ARPP21: variants seen among roughly 807,000 people sequenced by gnomAD.
ARPP21 encodes cAMP regulated phosphoprotein 21, also known as cAMP-regulated phosphoprotein 21.
Under a neutral mutation model 113.2 loss-of-function variants are expected in ARPP21, and 69 were observed. The ratio of observed to expected loss-of-function variants is 0.61; its 90% CI spans 0.50 to 0.74. The LOEUF (loss-of-function observed/expected upper bound fraction) is 0.74, where lower values mean the gene tolerates loss of function less well. Ranked by LOEUF, ARPP21 falls within the 30% of genes least tolerant of loss-of-function variation. The probability of loss-of-function intolerance (pLI) is 0.00; values close to 1 mark genes in which losing one functional copy is unlikely to be tolerated. For synonymous variants in ARPP21, 368 were observed against 375.5 expected, an observed-to-expected ratio of 0.98 and a Z score of 0.23; for missense variants, 1,070 against 1,037.4, an observed-to-expected ratio of 1.03 and a Z score of -0.43.
chr3:35,756,677 C>A (rs1296869065), intron 19 of ARPP21, among the ~76,000 whole-genome samples: 3 of 152,096 alleles, frequency 2.0e-5, no homozygotes, highest in African/African-American at 2.4e-5. Context: ...GTAATTCTCC[C>A]AGATGCTCTT....
chr3:35,747,858 G>A (rs931280648), intron 19 of ARPP21, among the ~76,000 whole-genome samples: 5 of 151,468 alleles, frequency 3.3e-5, no homozygotes, highest in African/African-American at 9.7e-5. Flanking sequence ...ACTGCAGTGA[G>A]CCATGATCAT....
intron 19 of ARPP21, chr3:35,774,679 G>C (rs577494972): frequency 3.3e-5 from 5 of 152,290 alleles, no homozygotes; most frequent in African/African-American, 1.2e-4. Flanking sequence ...GAAGAAACCA[G>C]AGAAATTTTA....
At chr3:35,767,217 G>A (rs1296073752) in intron 19 of ARPP21, among the ~76,000 whole-genome samples, 1 of 151,934 alleles carries the variant, frequency 6.6e-6, no homozygotes, top group African/African-American at 2.4e-5. Flanking sequence ...GTGATCTCTG[G>A]GACTTACTTT....
At chr3:35,725,858 AT>A (rs144390808) in intron 14 of ARPP21, among the ~76,000 whole-genome samples, 15,043 of 152,170 alleles carry the variant, frequency 0.099, 991 homozygotes, top group Non-Finnish European at 0.15. Flanking sequence ...GTAGCATGGA[AT>A]TTTAATCTAG....
chr3:35,729,601 T>C, intron 15 of ARPP21, 65 bp downstream of exon 15: 2 of 1,386,294 alleles, frequency 1.4e-6, no homozygotes, highest in Non-Finnish European at 2.0e-6. Context: ...TGTTTGATCT[T>C]ATGAATTTGC....
chr3:35,654,312 T>C (rs1703801353), intron 1 of ARPP21, among the ~76,000 whole-genome samples: 1 of 152,074 alleles, frequency 6.6e-6, no homozygotes, highest in Non-Finnish European at 1.5e-5. Flanking sequence ...TCTTTTGTGA[T>C]TGTTTACAGT....
rs1218275441 is a variant in ARPP21, at chr3:35,738,496, C to T, written c.1749+178C>T. 2.0e-5 allele frequency among the ~76,000 whole-genome samples: 3 copies of T among 152,174 alleles called. No homozygotes were observed. In the East Asian group the frequency reaches 5.8e-4, roughly 29 times the overall value. On this transcript the variant is annotated intron_variant, in intron 17 of 20. Transcript: ENST00000684406. ...CCCATCTCTGCAAAACAATGGTTTC[C>T]TTTCTGTCATCTGTCTGTCCCATGC...
At chr3:35,657,535 T>C (rs1270661221) in intron 1 of ARPP21, among the ~76,000 whole-genome samples, 3 of 152,160 alleles carry the variant, frequency 2.0e-5, no homozygotes, top group Non-Finnish European at 2.9e-5. Flanking sequence ...GAGTACTTTA[T>C]GTATATTAAT....
In ARPP21 at chr3:35,667,929, G is replaced by A. The variant is rs1349719312; in HGVS notation, c.-212-11858G>A. ...GAAGAGGAAGGAGGAGGAGGAGGAGGAGGAGAAGGAGAAGAAGAAAAGAAG... is the reference window on the plus strand; with the variant it reads ...GAAGAGGAAGGAGGAGGAGGAGGAGAAGGAGAAGGAGAAGAAGAAAAGAAG... On this transcript the variant is annotated intron_variant, in intron 1 of 20. Coordinates refer to ENST00000684406, the MANE Select transcript of ARPP21 (RefSeq NM_001385562.1). Among the ~76,000 whole-genome samples the A allele has an allele frequency of 2.9e-4, 37 of 128,894 alleles. 1 individual carries two copies. The highest frequency in any genetic ancestry group is 1.2e-3 in the African/African-American group (34 of 28,404). 84.6% of individuals were successfully genotyped at this position (128,894 alleles called of 152,430 possible). A position where few individuals can be genotyped will look rare whatever the true frequency, so the allele number is the denominator to read the frequency against.
intron 9 of ARPP21, among the ~76,000 whole-genome samples, chr3:35,706,549 G>A (rs1036026282): frequency 4.6e-5 from 7 of 152,190 alleles, no homozygotes; most frequent in African/African-American, 7.2e-5. Flanking sequence ...AAGGGAAGAT[G>A]TGATAGAAGA....
intron 8 of ARPP21, 39 bp from the exon 9 acceptor site, chr3:35,690,826 G>A: frequency 6.4e-7 from 1 of 1,572,010 alleles, no homozygotes; most frequent in Non-Finnish European, 8.6e-7. Context: ...GGCAAAAAAT[G>A]AAAATGCTGA....
intron 9 of ARPP21, among the ~76,000 whole-genome samples, chr3:35,696,812 G>T (rs2084222903): frequency 6.6e-6 from 1 of 151,442 alleles, no homozygotes; most frequent in South Asian, 2.1e-4. Context: ...TATTTTAAAT[G>T]CCACAAATAT....
chr3:35,729,263 CTG>C, intron 14 of ARPP21, 38 bp from the exon 15 acceptor site: 1 of 1,405,520 alleles, frequency 7.1e-7, no homozygotes, highest in South Asian at 1.2e-5. Context: ...TCTCTCATCT[CTG>C]TGTGTTCAAT....
chr3:35,739,513 C>T lies in ARPP21; in HGVS notation c.1946C>T (p.Ser649Phe). Residue 649 changes from serine to phenylalanine, a missense_variant, in exon 18 of 21, where the codon TCC (serine) becomes TTC (phenylalanine). Ser to Phe is a radical substitution (Grantham distance 155). Coordinates refer to ENST00000684406, the MANE Select transcript of ARPP21 (RefSeq NM_001385562.1). Reference sequence around the variant, plus strand: ...TTCTCAGGCTCTGGCCCTCCCATCTCCCAGCAGGTCCTCCAGCCCCCTCCC... The same window carrying T: ...TTCTCAGGCTCTGGCCCTCCCATCTTCCAGCAGGTCCTCCAGCCCCCTCCC... ...GGFSGSGPPI[S>F]QQVLQPPPSP... 1 of 1,614,160 alleles carries T rather than the reference C, an allele frequency of 6.2e-7. No individual in the cohort carries two copies. Among genetic ancestry groups the T allele is most frequent in the East Asian group, 2.2e-5 (1 of 44,866 alleles).
intron 1 of ARPP21, among the ~76,000 whole-genome samples, chr3:35,646,157 A>T (rs945284549): frequency 6.6e-6 from 1 of 152,006 alleles, no homozygotes; most frequent in Non-Finnish European, 1.5e-5. Context: ...GAGCATGTCA[A>T]CTCACCGAAA....
chr3:35,708,925 C>T (rs2090155981), intron 10 of ARPP21, 44 bp from the exon 11 acceptor site: 1 of 1,378,026 alleles, frequency 7.3e-7, no homozygotes, highest in Non-Finnish European at 1.0e-6. Context: ...AGATTTCTAA[C>T]AACGCAACTT....
intron 8 of ARPP21, among the ~76,000 whole-genome samples, chr3:35,690,577 T>C (rs1265540295): frequency 6.6e-6 from 1 of 151,588 alleles, no homozygotes; most frequent in African/African-American, 2.4e-5. Flanking sequence ...CCTGGCCCCG[T>C]TGATAAGGTA....
At chr3:35,793,644 A>G in intron 20 of ARPP21, 57 bp from the exon 21 acceptor site, 1 of 1,248,530 alleles carries the variant, frequency 8.0e-7, no homozygotes, top group Non-Finnish European at 1.2e-6. Flanking sequence ...CATGTTGTTT[A>G]TTGTACAGAC....
At chr3:35,658,624 T>G (rs1252785920) in intron 1 of ARPP21, among the ~76,000 whole-genome samples, 2 of 152,060 alleles carry the variant, frequency 1.3e-5, no homozygotes, top group Non-Finnish European at 2.9e-5. Flanking sequence ...CCCATAAGCC[T>G]TGTGAGGAAA....
Sources: allele counts gnomAD v4.1 joint callset (sites outside exome capture counted in the v4.1 genomes callset), GRCh38; gene constraint gnomAD v4.1.1; transcripts MANE v1.5; gene names NCBI Gene and HGNC (gene_info 2026-07-23, HGNC 2026-07-21).